Variants in KIF6 observed in about 807,000 individuals in gnomAD.
KIF6 encodes kinesin-like protein KIF6.
A neutral mutation model predicts 112.7 loss-of-function variants in KIF6; 106 were observed. The observed-to-expected ratio is 0.94, with a 90% CI of 0.80 to 1.11. The LOEUF is 1.11. KIF6 is among the 50% of genes least tolerant of loss of function. KIF6 has a pLI of 0.00. For missense variants in KIF6, 929 were observed against 964.0 expected (o/e 0.96, Z 0.48); for synonymous variants, 339 against 339.9 (o/e 1.00, Z 0.03).
chr6:39,620,553 T>G (rs972205122), intron 5 of KIF6: 2 of 152,146 alleles, frequency 1.3e-5, no homozygotes, highest in African/African-American at 4.8e-5. Context: ...AGTTTATTAT[T>G]TTTCCAACTA....
rs549765405 is a variant in KIF6, at chr6:39,399,507, G to C, written c.1811-13835C>G. Reference sequence around the variant, plus strand: ...TTGAGGAAAGATGGAACAAGTTGTTGGTCACTGGGGGGAGTCCCACCTTGA... The same window carrying C: ...TTGAGGAAAGATGGAACAAGTTGTTCGTCACTGGGGGGAGTCCCACCTTGA... On this transcript the variant is annotated intron_variant, in intron 15 of 22. Coordinates refer to ENST00000287152, the MANE Select transcript of KIF6 (RefSeq NM_145027.6). Among the ~76,000 whole-genome samples the C allele has an allele frequency of 1.2e-4, 18 of 152,316 alleles. No homozygotes were observed. The East Asian group carries it at 3.5e-3, about 29-fold the overall frequency.
rs766861712 is a variant in KIF6, at chr6:39,392,446, T to C, written c.1811-6774A>G. Among the ~76,000 whole-genome samples, 31 of 152,218 alleles carry C rather than the reference T, an allele frequency of 2.0e-4. 1 individual carries two copies. The highest frequency in any genetic ancestry group is 3.9e-4 in the Admixed American group (6 of 15,280). ...TGAGTGCTGCCCTCCATAATGATTG[T>C]GCTAGTCTATCTGCCCAAGGCAAAG... is the stretch of plus-strand genomic sequence containing the variant. On this transcript the variant is annotated intron_variant, in intron 15 of 22. Transcript: ENST00000287152.
intron 5 of KIF6, chr6:39,617,651 C>G (rs1783592441): frequency 2.2e-6 from 1 of 451,084 alleles, no homozygotes; most frequent in African/African-American, 2.0e-5. Context: ...TGAAGAGCCT[C>G]CTAACAAAAT....
At chr6:39,704,106 C>G in intron 3 of KIF6, among the ~76,000 whole-genome samples, 1 of 152,060 alleles carries the variant, frequency 6.6e-6, no homozygotes, top group East Asian at 1.9e-4. Context: ...GAAAAACATT[C>G]ATAACTTGGT....
At chr6:39,341,151 C>T (rs1023788191) in intron 22 of KIF6, among the ~76,000 whole-genome samples, 9 of 152,132 alleles carry the variant, frequency 5.9e-5, no homozygotes, top group African/African-American at 2.2e-4. Context: ...GCTCAACCCC[C>T]TGGAGGGGTT....
chr6:39,423,368 T>G (rs1403021457), intron 14 of KIF6, among the ~76,000 whole-genome samples: 1 of 152,096 alleles, frequency 6.6e-6, no homozygotes, highest in African/African-American at 2.4e-5. Flanking sequence ...TTTCCCCCTC[T>G]CTCTGGCACC....
chr6:39,666,186 A>G (rs1269736351), intron 3 of KIF6, among the ~76,000 whole-genome samples: 1 of 152,190 alleles, frequency 6.6e-6, no homozygotes, highest in Non-Finnish European at 1.5e-5. Context: ...TTTGTTGGTA[A>G]CACCTTAAAA....
chr6:39,584,365 C>T (rs1781478439), intron 9 of KIF6, among the ~76,000 whole-genome samples: 1 of 126,200 alleles, frequency 7.9e-6, no homozygotes, highest in African/African-American at 3.0e-5. Flanking sequence ...TTGCAGTGAG[C>T]CAAGATTGCA....
In KIF6 at chr6:39,567,822, T is replaced by C. The variant is rs576238490; in HGVS notation, c.1181+10234A>G. 1.3e-3 allele frequency among the ~76,000 whole-genome samples: 201 copies of C among 152,278 alleles called. 1 individual carries two copies. Among genetic ancestry groups the C allele is most frequent in the African/African-American group, 4.3e-3 (179 of 41,564 alleles). On this transcript the variant is annotated intron_variant, in intron 10 of 22. Transcript: ENST00000287152. The stretch of plus-strand genomic sequence containing the variant: ...CGGGGTTTCACTGTGTTAGCCAGGA[T>C]GGTCTCGATCTCCTGACCTCGTGAT...
At chr6:39,361,558 CA>C (rs1242586612) in intron 17 of KIF6, among the ~76,000 whole-genome samples, 10,038 of 44,698 alleles carry the variant, frequency 0.22, 227 homozygotes, top group African/African-American at 0.29. Context: ...GGCTCCATCT[CA>C]AAAAAAAAAA....
chr6:39,418,084 T>G (rs1770063390), intron 15 of KIF6, among the ~76,000 whole-genome samples: 1 of 152,160 alleles, frequency 6.6e-6, no homozygotes, highest in Non-Finnish European at 1.5e-5. Flanking sequence ...GTGTCTGCCT[T>G]CCCACCTGAA....
intron 19 of KIF6, among the ~76,000 whole-genome samples, chr6:39,348,582 C>T (rs913591354): frequency 6.6e-6 from 1 of 152,080 alleles, no homozygotes; most frequent in Admixed American, 6.6e-5. Context: ...CCTTTGACAC[C>T]GAATTAATTT....
At chr6:39,720,277 C>T (rs542871796) in intron 2 of KIF6, among the ~76,000 whole-genome samples, 56 of 152,140 alleles carry the variant, frequency 3.7e-4, no homozygotes, top group Non-Finnish European at 7.4e-4. Context: ...TTGGACAGCA[C>T]AGATATAGAG....
At chr6:39,558,625 C>G (rs143588586) in intron 10 of KIF6, among the ~76,000 whole-genome samples, 1 of 152,158 alleles carries the variant, frequency 6.6e-6, no homozygotes, top group African/African-American at 2.4e-5. Flanking sequence ...AACATTAACA[C>G]TGAGAAAGCA....
At chr6:39,456,837 T>A (rs1320791979) in intron 13 of KIF6, among the ~76,000 whole-genome samples, 26 of 147,674 alleles carry the variant, frequency 1.8e-4, no homozygotes, top group African/African-American at 5.8e-4. Flanking sequence ...TAAATATATA[T>A]GCACCCAATA....
intron 16 of KIF6, among the ~76,000 whole-genome samples, chr6:39,367,224 C>A: frequency 6.6e-6 from 1 of 152,112 alleles, no homozygotes; most frequent in African/African-American, 2.4e-5. Flanking sequence ...GCTGGGAACT[C>A]AAAGGGAACC....
At chr6:39,693,671 T>TA (rs375272280) in intron 3 of KIF6, among the ~76,000 whole-genome samples, 1,498 of 148,708 alleles carry the variant, frequency 0.01, 28 homozygotes, top group African/African-American at 0.034. Flanking sequence ...GAATCAGTAA[T>TA]AAAAAAAAAA....
At chr6:39,399,916 T>C (rs140021312) in intron 15 of KIF6, among the ~76,000 whole-genome samples, 5 of 152,332 alleles carry the variant, frequency 3.3e-5, no homozygotes, top group Admixed American at 2.0e-4. Context: ...CCACCAGCAA[T>C]GGCACCATTA....
rs574087306 is a variant in KIF6, at chr6:39,660,170, TA to T, written c.252-20414del. 3.9e-3 allele frequency among the ~76,000 whole-genome samples: 601 copies of T among 152,240 alleles called. 3 individuals are homozygous for T. Among genetic ancestry groups the T allele is most frequent in the African/African-American group, 0.013 (555 of 41,536 alleles). On this transcript the variant is annotated intron_variant, in intron 3 of 22. Transcript: ENST00000287152. ...TAAAATAATTTTTAAAAATTTCCAATAAAAAATGTGTTGAAGTTGTATTATT... is the reference window on the plus strand; with the variant it reads ...TAAAATAATTTTTAAAAATTTCCAATAAAAATGTGTTGAAGTTGTATTATT...
Sources: allele counts gnomAD v4.1 joint callset (sites outside exome capture counted in the v4.1 genomes callset), GRCh38; gene constraint gnomAD v4.1.1; transcripts MANE v1.5; gene names NCBI Gene and HGNC (gene_info 2026-07-23, HGNC 2026-07-21).